The following PRSS23 variants were observed in gnomAD, a reference collection of about 807,000 sequenced individuals.
PRSS23 encodes the protein protease, serine 23.
Under a neutral mutation model 34.7 loss-of-function variants are expected in PRSS23, and 25 were observed. The observed-to-expected ratio is 0.72, with a 90% CI of 0.53 to 1.01. PRSS23 has a LOEUF of 1.01. Among genes scored for constraint, PRSS23 ranks in the 50% least tolerant of loss-of-function variants. The pLI, the probability that PRSS23 is intolerant of heterozygous loss-of-function variation, is 0.00. For missense variants in PRSS23, 445 were observed against 475.6 expected (o/e 0.94, Z 0.60); for synonymous variants, 176 against 186.6 (o/e 0.94, Z 0.46).
chr11:86,930,826 G>A (rs1017490384), intron 2 of PRSS23, among the ~76,000 whole-genome samples: 5 of 142,662 alleles, frequency 3.5e-5, no homozygotes, highest in African/African-American at 1.0e-4. Flanking sequence ...CCAGAAAAAG[G>A]GACCTCACGT....
At position 86,890,057 on chromosome 11, in the gene PRSS23, C is replaced by T. The variant is rs529233548; in HGVS notation, c.207-61159C>T. 1.6e-4 allele frequency among the ~76,000 whole-genome samples: 24 copies of T among 152,198 alleles called. No individual in the cohort carries two copies. In the East Asian group the frequency reaches 4.6e-3, roughly 29 times the overall value. On this transcript the variant is annotated intron_variant, in intron 2 of 2. Coordinates refer to the PRSS23 transcript ENST00000533902. ...CCGAGGCGTGTGGATCACTTGAGGT[C>T]AGGAGTTCGAGACCAGCCTGGCCAA...
intron 2 of PRSS23, among the ~76,000 whole-genome samples, chr11:86,882,606 C>G (rs1397248914): frequency 1.3e-5 from 2 of 152,102 alleles, no homozygotes; most frequent in East Asian, 3.8e-4. Context: ...CTGTCATTGA[C>G]AGGCATTTAG....
At chr11:86,932,086 G>T (rs539973464) in intron 2 of PRSS23, among the ~76,000 whole-genome samples, 1 of 152,098 alleles carries the variant, frequency 6.6e-6, no homozygotes, top group Admixed American at 6.6e-5. Flanking sequence ...AATTGCCCCC[G>T]AGGCAGTCCC....
At chr11:86,879,788 T>C (rs369049197) in intron 2 of PRSS23, among the ~76,000 whole-genome samples, 27,860 of 52,046 alleles carry the variant, frequency 0.54, 4,790 homozygotes, top group East Asian at 0.62. Context: ...GTCAGCCCCC[T>C]GCCCGGCCAG....
intron 2 of PRSS23, among the ~76,000 whole-genome samples, chr11:86,858,389 A>G (rs1033061597): frequency 2.6e-5 from 4 of 151,858 alleles, no homozygotes; most frequent in African/African-American, 9.7e-5. Flanking sequence ...GAGGGAGAGG[A>G]TGTTATTACT....
chr11:86,902,798 C>A (rs534000149), intron 2 of PRSS23, among the ~76,000 whole-genome samples: 1 of 152,236 alleles, frequency 6.6e-6, no homozygotes, highest in Admixed American at 6.5e-5. Flanking sequence ...TGTTTTCAAG[C>A]CTGAATTGAA....
intron 2 of PRSS23, among the ~76,000 whole-genome samples, chr11:86,825,976 T>A (rs145650234): frequency 0.051 from 7,752 of 152,268 alleles, 297 homozygotes; most frequent in East Asian, 0.17. Flanking sequence ...TCTTTTTGGT[T>A]CCATATGAAC....
chr11:86,864,581 T>C (rs112704495), intron 2 of PRSS23, among the ~76,000 whole-genome samples: 12 of 152,378 alleles, frequency 7.9e-5, no homozygotes, highest in African/African-American at 2.9e-4. Context: ...CCTCTCATCA[T>C]CTGGCAATTA....
intron 2 of PRSS23, among the ~76,000 whole-genome samples, chr11:86,930,325 T>A (rs1238994026): frequency 2.6e-5 from 4 of 152,166 alleles, no homozygotes; most frequent in African/African-American, 9.7e-5. Context: ...ATATATGCAG[T>A]TTGTAAAATG....
At chr11:86,832,955 G>T in intron 2 of PRSS23, 1 of 374,178 alleles carries the variant, frequency 2.7e-6, no homozygotes. Flanking sequence ...CTTGATGCAG[G>T]TCATTTGTAA....
intron 2 of PRSS23, chr11:86,935,432 T>C (rs1255079043): frequency 6.6e-6 from 1 of 152,218 alleles, no homozygotes; most frequent in Admixed American, 6.5e-5. Flanking sequence ...GCCCAGGAGC[T>C]TATCTTTAGG....
At chr11:86,944,312 G>A (rs1473602080) in intron 2 of PRSS23, among the ~76,000 whole-genome samples, 3 of 151,516 alleles carry the variant, frequency 2.0e-5, no homozygotes, top group Admixed American at 1.3e-4. Context: ...AATCTAGTAA[G>A]TATGAACTCA....
rs561682096 is a variant in PRSS23 at position 86,853,242 on chromosome 11, CTTTTTTTTTTTT to C, written c.206+29670_206+29681del. On this transcript the variant is annotated intron_variant, in intron 2 of 2. Coordinates refer to the PRSS23 transcript ENST00000533902. ...TGCAGCCTGTGTCACAAGTGCCTGCCTTTTTTTTTTTTTTTTTTTTTTTTTTTTTTTTAATGG... is the reference window on the plus strand; with the variant it reads ...TGCAGCCTGTGTCACAAGTGCCTGCCTTTTTTTTTTTTTTTTTTTTAATGG... Among the ~76,000 whole-genome samples, 353 of 47,760 alleles carry C rather than the reference CTTTTTTTTTTTT, an allele frequency of 7.4e-3. 7 individuals carry two copies. Among genetic ancestry groups the C allele is most frequent in the African/African-American group, 0.028 (321 of 11,322 alleles). The allele number at this position is 47,760 out of a possible 152,430, so 31.3% of individuals were successfully genotyped here. A position where few individuals can be genotyped will look rare whatever the true frequency, so the allele number is the denominator to read the frequency against.
At chr11:86,856,444 G>C (rs1331308402) in intron 2 of PRSS23, among the ~76,000 whole-genome samples, 1 of 151,294 alleles carries the variant, frequency 6.6e-6, no homozygotes, top group Non-Finnish European at 1.5e-5. Flanking sequence ...AGCCAACGTT[G>C]AGAACCGAAC....
chr11:86,798,502 T>TCA (rs1947996863), upstream of PRSS23, among the ~76,000 whole-genome samples: 1 of 152,132 alleles, frequency 6.6e-6, no homozygotes, highest in East Asian at 1.9e-4. Context: ...ACCTCACACA[T>TCA]CATGAGAGTG....
intron 2 of PRSS23, among the ~76,000 whole-genome samples, chr11:86,865,027 C>T (rs1168387225): frequency 6.6e-6 from 1 of 152,212 alleles, no homozygotes; most frequent in Non-Finnish European, 1.5e-5. Context: ...TACAAAGTTC[C>T]TTTTTCCAGG....
chr11:86,921,706 CTT>C (rs1308735326), intron 2 of PRSS23: 2 of 152,186 alleles, frequency 1.3e-5, no homozygotes, highest in African/African-American at 4.8e-5. Flanking sequence ...AGTTCACAGA[CTT>C]TATTTGTGGC....
At chr11:86,951,105 C>T (rs377431110) in intron 2 of PRSS23, 4 of 1,606,206 alleles carry the variant, frequency 2.5e-6, no homozygotes, top group African/African-American at 2.7e-5. Context: ...TGGCATTCCC[C>T]CCTTCAAAAT....
At chr11:86,831,361 C>T (rs1373337672) in intron 2 of PRSS23, among the ~76,000 whole-genome samples, 1 of 151,118 alleles carries the variant, frequency 6.6e-6, no homozygotes, top group Non-Finnish European at 1.5e-5. Flanking sequence ...TGTTACTCCT[C>T]ATGTCACAGG....
Sources: gnomAD v4.1 joint callset for allele counts (sites outside exome capture counted in the v4.1 genomes callset) on GRCh38, gnomAD v4.1.1 for gene constraint, MANE v1.5 for transcripts, NCBI Gene and HGNC (gene_info 2026-07-23, HGNC 2026-07-21) for gene names.